Variants in WDFY2 observed in about 807,000 individuals in gnomAD.
WDFY2 encodes WD repeat and FYVE domain-containing protein 2.
A neutral mutation model predicts 56.4 loss-of-function variants in WDFY2; 36 were observed. That is an observed-to-expected ratio of 0.64 (90% CI 0.49 to 0.84). The LOEUF is 0.84. Among genes scored for constraint, WDFY2 ranks in the 40% least tolerant of loss-of-function variants. The pLI, the probability that WDFY2 is intolerant of heterozygous loss-of-function variation, is 0.00. For synonymous variants in WDFY2, 176 were observed against 183.7 expected (o/e 0.96, Z 0.34); for missense variants, 444 against 512.2 (o/e 0.87, Z 1.29).
intron 1 of WDFY2, chr13:51,586,416 T>G (rs750976142): frequency 2.2e-5 from 4 of 184,946 alleles, no homozygotes; most frequent in Non-Finnish European, 4.4e-5. Context: ...AATATTTTAT[T>G]TATTTTTTTA....
intron 4 of WDFY2, among the ~76,000 whole-genome samples, chr13:51,713,102 G>A (rs1047619789): frequency 2.6e-5 from 4 of 152,150 alleles, no homozygotes; most frequent in Admixed American, 2.6e-4. Flanking sequence ...TTGCAGAAGT[G>A]AAAGACTTTC....
At chr13:51,687,198 A>T (rs1046859565) in intron 3 of WDFY2, among the ~76,000 whole-genome samples, 1 of 151,710 alleles carries the variant, frequency 6.6e-6, no homozygotes, top group Non-Finnish European at 1.5e-5. Flanking sequence ...TTCAATTTTT[A>T]AAATATATAT....
chr13:51,590,626 G>A (rs1330481650), intron 1 of WDFY2: 4 of 152,120 alleles, frequency 2.6e-5, no homozygotes, highest in Non-Finnish European at 1.5e-5. Context: ...AGAAGAGACT[G>A]ACCACCATAC....
At chr13:51,638,569 G>T (rs1454739698) in intron 1 of WDFY2, among the ~76,000 whole-genome samples, 1 of 152,108 alleles carries the variant, frequency 6.6e-6, no homozygotes, top group African/African-American at 2.4e-5. Context: ...AAGACGAAAA[G>T]AAACTCATTA....
intron 6 of WDFY2, among the ~76,000 whole-genome samples, chr13:51,731,016 G>A (rs941612833): frequency 6.6e-6 from 1 of 152,236 alleles, no homozygotes; most frequent in Non-Finnish European, 1.5e-5. Context: ...ATTTTAAAAG[G>A]TTGTCTGGCA....
chr13:51,638,119 AACAG>A (rs772414148), intron 1 of WDFY2, among the ~76,000 whole-genome samples: 4 of 152,218 alleles, frequency 2.6e-5, no homozygotes, highest in Non-Finnish European at 5.9e-5. Context: ...GGGTCAGAGA[AACAG>A]ACAGAGGTCA....
At chr13:51,686,034 A>G (rs1161845415) in intron 3 of WDFY2, among the ~76,000 whole-genome samples, 4 of 152,064 alleles carry the variant, frequency 2.6e-5, no homozygotes, top group East Asian at 1.9e-4. Flanking sequence ...TAGGGAAGCA[A>G]TTGTTTTATT....
At chr13:51,601,746 C>T (rs974295478) in intron 1 of WDFY2, among the ~76,000 whole-genome samples, 12 of 152,110 alleles carry the variant, frequency 7.9e-5, no homozygotes, top group African/African-American at 2.9e-4. Flanking sequence ...GGGAAGGGCA[C>T]CCTGATTCAT....
intron 3 of WDFY2, among the ~76,000 whole-genome samples, chr13:51,688,943 T>A (rs1956104408): frequency 6.6e-6 from 1 of 152,212 alleles, no homozygotes; most frequent in Non-Finnish European, 1.5e-5. Context: ...CAACACTCTT[T>A]CACTGAAGGG....
At chr13:51,584,905 C>G (rs1953906745) in intron 1 of WDFY2, 81 bp downstream of exon 1, 1 of 1,563,694 alleles carries the variant, frequency 6.4e-7, no homozygotes. Flanking sequence ...GCTGTGCCTT[C>G]ACGTCGGCGC....
chr13:51,749,072 C>A (rs1953168016), intron 7 of WDFY2, among the ~76,000 whole-genome samples: 1 of 152,074 alleles, frequency 6.6e-6, no homozygotes. Flanking sequence ...ATTAGAAAGG[C>A]TCGCAAAAAT....
chr13:51,709,004 C>G (rs1952149432), intron 4 of WDFY2, among the ~76,000 whole-genome samples: 1 of 152,010 alleles, frequency 6.6e-6, no homozygotes, highest in Non-Finnish European at 1.5e-5. Flanking sequence ...AAATATGTGA[C>G]CCCAAAACTG....
At chr13:51,607,910 G>A (rs538370353) in intron 1 of WDFY2, among the ~76,000 whole-genome samples, 3 of 152,292 alleles carry the variant, frequency 2.0e-5, no homozygotes, top group African/African-American at 7.2e-5. Flanking sequence ...GATGTGCCCA[G>A]TATAACCACA....
chr13:51,741,514 G>A lies in WDFY2; in HGVS notation c.725+2339G>A, dbSNP rs144493817. 7.6e-3 allele frequency among the ~76,000 whole-genome samples: 1,159 copies of A among 152,258 alleles called. 20 individuals carry two copies. Among genetic ancestry groups the A allele is most frequent in the African/African-American group, 0.026 (1,078 of 41,546 alleles). Reference sequence around the variant, plus strand: ...AGTCCCTGGAGCTGCCAGAAGTAGGGAGATGGCATGGAAAGAAGGTTTCGG... The same window carrying A: ...AGTCCCTGGAGCTGCCAGAAGTAGGAAGATGGCATGGAAAGAAGGTTTCGG... On this transcript the variant is annotated intron_variant, in intron 7 of 11. Transcript: ENST00000298125.
rs149944605 is a variant in WDFY2, at chr13:51,752,336, G to A, written c.831+921G>A. On this transcript the variant is annotated intron_variant, in intron 8 of 11. Coordinates refer to ENST00000298125, the MANE Select transcript of WDFY2 (RefSeq NM_052950.4). ...TCAAAATGATCATTACTGTTAGAAG[G>A]TGGGAAATGGTAGAACATTGCTTTT... Among the ~76,000 whole-genome samples the A allele has an allele frequency of 4.9e-3, 752 of 152,304 alleles. 5 individuals are homozygous for A. The highest frequency in any genetic ancestry group is 0.014 in the African/African-American group (590 of 41,560).
At chr13:51,596,599 G>T (rs1869137480) in intron 1 of WDFY2, among the ~76,000 whole-genome samples, 2 of 152,172 alleles carry the variant, frequency 1.3e-5, no homozygotes, top group Admixed American at 1.3e-4. Context: ...CAAGTGAATG[G>T]GCTCAGTGTT....
intron 3 of WDFY2, among the ~76,000 whole-genome samples, 155 bp downstream of exon 3, chr13:51,675,398 T>A (rs1198635906): frequency 1.3e-5 from 2 of 152,200 alleles, no homozygotes; most frequent in Non-Finnish European, 2.9e-5. Context: ...TAAGAGATTC[T>A]AATGTAGGGA....
intron 7 of WDFY2, among the ~76,000 whole-genome samples, chr13:51,744,204 G>A (rs1593470986): frequency 6.6e-6 from 1 of 152,226 alleles, no homozygotes; most frequent in South Asian, 2.1e-4. Flanking sequence ...ATCTCTGGTA[G>A]TAGAAGCATA....
At chr13:51,648,011 C>A (rs1049030726) in intron 1 of WDFY2, among the ~76,000 whole-genome samples, 2 of 152,150 alleles carry the variant, frequency 1.3e-5, no homozygotes, top group African/African-American at 4.8e-5. Flanking sequence ...ATATGATTCC[C>A]TGCTTAGTTG....
Sources: gnomAD v4.1 joint callset for allele counts (sites outside exome capture counted in the v4.1 genomes callset) on GRCh38, gnomAD v4.1.1 for gene constraint, MANE v1.5 for transcripts, NCBI Gene and HGNC (gene_info 2026-07-23, HGNC 2026-07-21) for gene names.